PCDHA3: variants seen among roughly 807,000 people sequenced by gnomAD.
PCDHA3 encodes the protein protocadherin alpha-3.
PCDHA3 carries 41 observed loss-of-function variants against 62.2 expected under a neutral mutation model. The ratio of observed to expected loss-of-function variants is 0.66; its 90% confidence interval spans 0.51 to 0.86. PCDHA3 has a LOEUF of 0.86. PCDHA3 is among the 40% of genes least tolerant of loss of function. PCDHA3 has a pLI of 0.00. For missense variants in PCDHA3, 1,304 were observed against 1,241.2 expected (o/e 1.05, Z -0.76); for synonymous variants, 640 against 555.4 (o/e 1.15, Z -2.14).
chr5:140,953,295 C>T (rs74485628), intron 1 of PCDHA3, among the ~76,000 whole-genome samples: 3,568 of 152,144 alleles, frequency 0.023, 49 homozygotes, highest in Middle Eastern at 0.034. Flanking sequence ...GATTCAGGGA[C>T]GGCAGAGATG....
chr5:140,926,404 A>G (rs192980510), intron 1 of PCDHA3: 1 of 152,612 alleles, frequency 6.6e-6, no homozygotes, highest in African/African-American at 2.4e-5. Context: ...GTTATCAGCA[A>G]TCTGCGGGCA....
At chr5:140,808,912 C>G (rs538609667) in intron 1 of PCDHA3, 13 of 1,613,494 alleles carry the variant, frequency 8.1e-6, no homozygotes, top group Non-Finnish European at 1.1e-5. Context: ...GCACTGGTGG[C>G]GCAGTGAGCG....
At chr5:140,823,929 C>A (rs2150130451) in intron 1 of PCDHA3, 1 of 1,613,958 alleles carries the variant, frequency 6.2e-7, no homozygotes, top group Non-Finnish European at 8.5e-7. Flanking sequence ...TGCTGTACAC[C>A]GCGCTGCGGT....
In PCDHA3 at chr5:140,846,348, C is replaced by G. The variant is rs2150387302; in HGVS notation, c.2394+42757C>G. 4.3e-5 allele frequency among the ~76,000 whole-genome samples: 6 copies of G among 138,740 alleles called. 1 individual carries two copies. Among genetic ancestry groups the G allele is most frequent in the Admixed American group, 4.3e-4 (6 of 13,918 alleles). The allele number at this position is 138,740 out of a possible 152,430, so 91.0% of individuals were successfully genotyped here. Reference sequence around the variant, plus strand: ...TAAATAGCCTTTTAAAGTGCTTTCTCTTTTTTCTTTTCTTTTCTTTCTTTC... The same window carrying G: ...TAAATAGCCTTTTAAAGTGCTTTCTGTTTTTTCTTTTCTTTTCTTTCTTTC... On this transcript the variant is annotated intron_variant, in intron 1 of 3. Coordinates refer to ENST00000522353, the MANE Select transcript of PCDHA3 (RefSeq NM_018906.3).
intron 1 of PCDHA3, chr5:140,927,266 C>T (rs1554204259): frequency 6.2e-7 from 1 of 1,614,146 alleles, no homozygotes. Flanking sequence ...CCTCTCTTTC[C>T]TGCCGGCGAC....
intron 1 of PCDHA3, among the ~76,000 whole-genome samples, chr5:140,978,500 G>T (rs1480843119): frequency 2.0e-5 from 3 of 152,228 alleles, no homozygotes; most frequent in Non-Finnish European, 2.9e-5. Context: ...GCAGCAGATT[G>T]CAGTCCTCTG....
chr5:140,947,920 A>G (rs1336638527), intron 1 of PCDHA3, among the ~76,000 whole-genome samples: 1 of 151,504 alleles, frequency 6.6e-6, no homozygotes, highest in African/African-American at 2.4e-5. Context: ...TCTTGCCTTA[A>G]CCCTGATCTT....
intron 1 of PCDHA3, among the ~76,000 whole-genome samples, chr5:140,912,377 A>T (rs1202586249): frequency 1.3e-5 from 2 of 149,084 alleles, no homozygotes; most frequent in Admixed American, 6.7e-5. Context: ...TGTAAAAGGG[A>T]TTGAGTTCTT....
chr5:140,843,463 G>T, intron 1 of PCDHA3: 1 of 1,596,032 alleles, frequency 6.3e-7, no homozygotes, highest in Non-Finnish European at 8.6e-7. Flanking sequence ...TGGTGCTCAC[G>T]CTGCTGCTGT....
intron 3 of PCDHA3, among the ~76,000 whole-genome samples, chr5:140,999,427 G>A (rs1405186577): frequency 6.6e-6 from 1 of 152,172 alleles, no homozygotes; most frequent in Non-Finnish European, 1.5e-5. Flanking sequence ...AAGAGGCCAA[G>A]TACCTTGCCT....
chr5:140,982,218 G>T, intron 2 of PCDHA3: 1 of 523,694 alleles, frequency 1.9e-6, no homozygotes, highest in South Asian at 3.9e-5. Flanking sequence ...GCCACATGGC[G>T]TTAATAAAAA....
At chr5:140,940,566 G>T (rs1226026261) in intron 1 of PCDHA3, among the ~76,000 whole-genome samples, 1 of 151,754 alleles carries the variant, frequency 6.6e-6, no homozygotes, top group African/African-American at 2.4e-5. Flanking sequence ...CTCCTACCTT[G>T]GCTCCCAAAG....
rs185115696 is a variant in PCDHA3, at chr5:140,899,982, A to G, written c.2395-78967A>G. Among the ~76,000 whole-genome samples the G allele has an allele frequency of 7.7e-3, 1,166 of 150,716 alleles. 5 individuals carry two copies. The highest frequency in any genetic ancestry group is 0.018 in the African/African-American group (738 of 41,016). On this transcript the variant is annotated intron_variant, in intron 1 of 3. Coordinates refer to ENST00000522353, the MANE Select transcript of PCDHA3 (RefSeq NM_018906.3). Reference sequence around the variant, plus strand: ...GCTGCCATGCCCAGCTACTTTTTTGATTTTTTTTGTAGAGATGAGGTCTCA... The same window carrying G: ...GCTGCCATGCCCAGCTACTTTTTTGGTTTTTTTTGTAGAGATGAGGTCTCA...
intron 1 of PCDHA3, chr5:140,869,855 T>C: frequency 6.2e-7 from 1 of 1,610,578 alleles, no homozygotes; most frequent in Non-Finnish European, 8.5e-7. Context: ...AAGGTGAGCC[T>C]TATGGAAAAT....
intron 1 of PCDHA3, chr5:140,871,646 A>G: frequency 7.8e-7 from 1 of 1,275,646 alleles, no homozygotes; most frequent in Non-Finnish European, 1.1e-6. Flanking sequence ...TAAAATACCA[A>G]ATGATACACA....
At chr5:140,960,131 C>T (rs781965980) in intron 1 of PCDHA3, among the ~76,000 whole-genome samples, 11 of 152,114 alleles carry the variant, frequency 7.2e-5, no homozygotes, top group African/African-American at 9.7e-5. Context: ...TTATGAAATA[C>T]TTAGATATTA....
At position 140,850,172 on chromosome 5, in the gene PCDHA3, C is replaced by G. The variant is rs756590916; in HGVS notation, c.2394+46581C>G. 10 of 1,594,266 alleles carry G rather than the reference C, an allele frequency of 6.3e-6. 1 individual carries two copies. The highest frequency in any genetic ancestry group is 1.3e-5 in the African/African-American group (1 of 74,338). On this transcript the variant is annotated intron_variant, in intron 1 of 3. Coordinates refer to ENST00000522353, the MANE Select transcript of PCDHA3 (RefSeq NM_018906.3). ...TGCAGGTGTTCGTGCTGGACGAGAA[C>G]GACAATGCGCCGGCGCTGCTGACAC... is the stretch of plus-strand genomic sequence containing the variant.
intron 1 of PCDHA3, chr5:140,856,779 C>T (rs1554149103): frequency 6.3e-7 from 1 of 1,596,160 alleles, no homozygotes; most frequent in East Asian, 2.2e-5. Context: ...TTTGACAGAC[C>T]GGTTTATGAA....
At position 140,854,641 on chromosome 5, in the gene PCDHA3, C is replaced by T. The variant is rs1258483318; in HGVS notation, c.2394+51050C>T. The T allele has an allele frequency of 1.3e-5, 2 of 149,894 alleles. 1 individual carries two copies. Among genetic ancestry groups the T allele is most frequent in the Non-Finnish European group, 3.0e-5 (2 of 67,066 alleles). The allele number at this position is 149,894 out of a possible 1,614,324, so 9.3% of individuals were successfully genotyped here. A position where few individuals can be genotyped will look rare whatever the true frequency, so the allele number is the denominator to read the frequency against. ...ATATTCTTTAGAAAAGTCAAAACAT[C>T]ATTAAATAAAATAAATTAACCCTTG... is the stretch of plus-strand genomic sequence containing the variant. On this transcript the variant is annotated intron_variant, in intron 1 of 3. Transcript: ENST00000522353.
Sources: gnomAD v4.1 joint callset for allele counts (sites outside exome capture counted in the v4.1 genomes callset) on GRCh38, gnomAD v4.1.1 for gene constraint, MANE v1.5 for transcripts, NCBI Gene and HGNC (gene_info 2026-07-23, HGNC 2026-07-21) for gene names.